The following ZNF578 variants were observed in gnomAD, a reference collection of about 807,000 sequenced individuals.
ZNF578 encodes zinc finger protein 578.
ZNF578 carries 8 observed loss-of-function variants against 8.3 expected under a neutral mutation model. That is an observed-to-expected ratio of 0.96 (90% confidence interval 0.56 to 1.74). The LOEUF is 1.74. Among genes scored for constraint, ZNF578 ranks in the 40% most tolerant of loss-of-function variants. The probability of loss-of-function intolerance (pLI) is 0.00; values close to 1 mark genes in which losing one functional copy is unlikely to be tolerated. For synonymous variants in ZNF578, 206 were observed against 232.2 expected (o/e 0.89, Z 1.03); for missense variants, 726 against 707.5 (o/e 1.03, Z -0.30).
At chr19:52,467,093 C>G (rs2059277624) in intron 2 of ZNF578, among the ~76,000 whole-genome samples, 1 of 152,046 alleles carries the variant, frequency 6.6e-6, no homozygotes, top group African/African-American at 2.4e-5. Flanking sequence ...TCACTGCAAC[C>G]TCTGCCTCCT....
At chr19:52,507,834 G>A (rs963670240) in intron 5 of ZNF578, among the ~76,000 whole-genome samples, 3 of 151,476 alleles carry the variant, frequency 2.0e-5, no homozygotes, top group African/African-American at 7.3e-5. Flanking sequence ...CAAATCACAT[G>A]AGGTCGGGAG....
At chr19:52,494,212 C>T (rs937129842) in intron 3 of ZNF578, among the ~76,000 whole-genome samples, 17 of 151,930 alleles carry the variant, frequency 1.1e-4, no homozygotes, top group Non-Finnish European at 1.6e-4. Flanking sequence ...AGTGGCTGGG[C>T]GCAGTGGCTC....
chr19:52,512,062 C>A lies in ZNF578; in HGVS notation c.1681C>A (p.His561Asn), dbSNP rs780538105. ...TTATCTGGCAAACCATACTAGAATTCATAGCGGAGAGAAACCTTACAAGTG... is the reference window on the plus strand; with the variant it reads ...TTATCTGGCAAACCATACTAGAATTAATAGCGGAGAGAAACCTTACAAGTG... ...HSYLANHTRI[H>N]SGEKPYKCNE... Residue 561 changes from histidine (H) to asparagine (N), a missense_variant, in exon 6 of 6, where the codon CAT becomes AAT. By Grantham distance (68) the His-to-Asn change is moderately conservative. Coordinates refer to ENST00000421239, the MANE Select transcript of ZNF578 (RefSeq NM_001099694.2). The A allele has an allele frequency of 1.2e-6, 2 of 1,613,780 alleles. No individual in the cohort carries two copies.
chr19:52,458,483 T>TATATATATATATATA (rs1555751157), intron 2 of ZNF578: 6 of 144,856 alleles, frequency 4.1e-5, no homozygotes, highest in African/African-American at 1.6e-4. Flanking sequence ...TATATATATA[T>TATATATATATATATA]TTTGAAAATC....
At chr19:52,499,227 T>C (rs2059398026) in intron 3 of ZNF578, among the ~76,000 whole-genome samples, 1 of 152,000 alleles carries the variant, frequency 6.6e-6, no homozygotes, top group South Asian at 2.1e-4. Flanking sequence ...TGTGTGACTT[T>C]TCTTCTGGGA....
chr19:52,464,701 T>C (rs1310306264), intron 2 of ZNF578, among the ~76,000 whole-genome samples: 1 of 152,176 alleles, frequency 6.6e-6, no homozygotes, highest in Non-Finnish European at 1.5e-5. Context: ...GATGTAACAA[T>C]CTGGAAATTG....
intron 3 of ZNF578, among the ~76,000 whole-genome samples, chr19:52,501,393 A>C (rs2059406726): frequency 6.6e-6 from 1 of 152,154 alleles, no homozygotes; most frequent in Non-Finnish European, 1.5e-5. Flanking sequence ...GATGGAACCC[A>C]CCCTCAGTAA....
intron 2 of ZNF578, among the ~76,000 whole-genome samples, chr19:52,465,271 C>T: frequency 6.6e-6 from 1 of 151,930 alleles, no homozygotes; most frequent in East Asian, 1.9e-4. Flanking sequence ...GAGTATCGGG[C>T]TCCCTCCCCC....
chr19:52,455,880 G>A (rs915922789), intron 1 of ZNF578: 1 of 152,170 alleles, frequency 6.6e-6, no homozygotes, highest in Non-Finnish European at 1.5e-5. Flanking sequence ...TTTGAGTTGA[G>A]GGAGAAAAAT....
intron 3 of ZNF578, among the ~76,000 whole-genome samples, chr19:52,494,635 A>G (rs930124179): frequency 1.2e-4 from 18 of 152,224 alleles, no homozygotes; most frequent in African/African-American, 3.1e-4. Flanking sequence ...GAGAATTTTA[A>G]AAGTCCTATC....
chr19:52,483,187 A>G (rs62108407), intron 2 of ZNF578, among the ~76,000 whole-genome samples: 93,027 of 151,902 alleles, frequency 0.61, 28,616 homozygotes, highest in Admixed American at 0.64. Flanking sequence ...AGGCTGATGC[A>G]GGCAAATCAC....
intron 2 of ZNF578, among the ~76,000 whole-genome samples, chr19:52,466,725 C>A (rs1480076867): frequency 6.6e-6 from 1 of 151,470 alleles, no homozygotes; most frequent in Non-Finnish European, 1.5e-5. Flanking sequence ...TACATGAGTG[C>A]ATGGATGAGC....
At position 52,510,626 on chromosome 19, in the gene ZNF578, C is replaced by T; in HGVS notation, c.245C>T (p.Thr82Ile). The change falls in exon 6 of 6, where the codon ACA becomes ATA. Residue 82 changes from threonine to isoleucine, a missense_variant. Coordinates refer to ENST00000421239, the MANE Select transcript of ZNF578 (RefSeq NM_001099694.2). ...GTCTTGTCAACAGGGCAAGGCAATA[C>T]AGAAGTGATCCACACAGGGATGTTG... ...KEVLSTGQGN[T>I]EVIHTGMLQR... 1 of 1,594,136 alleles carries T rather than the reference C, an allele frequency of 6.3e-7. No homozygotes were observed. The highest frequency in any genetic ancestry group is 8.5e-7 in the Non-Finnish European group (1 of 1,171,002).
Position 52,513,496 on chromosome 19 carries a change from C to G in ZNF578, c.*1342C>G, listed in dbSNP as rs2059458905. 6.6e-6 allele frequency among the ~76,000 whole-genome samples: 1 copy of G among 151,558 alleles called. No homozygotes were observed. Among genetic ancestry groups the G allele is most frequent in the South Asian group, 2.1e-4 (1 of 4,816 alleles). The stretch of plus-strand genomic sequence containing the variant: ...CGGTAATCCCAGCACTTTGGGAGGC[C>G]AAGGCAGGCAGATAACAAAGTCAGG... On this transcript the variant is annotated 3_prime_UTR_variant, in exon 6 of 6. Coordinates refer to ENST00000421239, the MANE Select transcript of ZNF578 (RefSeq NM_001099694.2).
At chr19:52,501,704 G>A in intron 3 of ZNF578, 123 bp from the exon 4 acceptor site, 1 of 920,610 alleles carries the variant, frequency 1.1e-6, no homozygotes, top group South Asian at 1.7e-5. Flanking sequence ...CATGATCTCT[G>A]GTGCAGTGGG....
chr19:52,491,857 C>T (rs1472337002), intron 3 of ZNF578, among the ~76,000 whole-genome samples: 2 of 151,816 alleles, frequency 1.3e-5, no homozygotes, highest in African/African-American at 2.4e-5. Flanking sequence ...TATTTAAAAA[C>T]GGTAAAACAA....
intron 2 of ZNF578, among the ~76,000 whole-genome samples, chr19:52,477,402 C>T (rs772662359): frequency 2.6e-5 from 4 of 152,076 alleles, no homozygotes; most frequent in South Asian, 2.1e-4. Flanking sequence ...GATGGGGGTA[C>T]GATTCTGATG....
intron 2 of ZNF578, among the ~76,000 whole-genome samples, chr19:52,481,455 G>T (rs2608528): frequency 0.24 from 36,356 of 152,164 alleles, 4,412 homozygotes; most frequent in East Asian, 0.32. Context: ...GATAAGATTA[G>T]TTGTGACATG....
At chr19:52,459,747 G>GTATA (rs1568454133) in intron 2 of ZNF578, among the ~76,000 whole-genome samples, 1 of 16,718 alleles carries the variant, frequency 6.0e-5, no homozygotes, top group African/African-American at 1.4e-4. Context: ...GTGTGTGTGT[G>GTATA]TGTGTATATA....
Sources: gnomAD v4.1 joint callset for allele counts (sites outside exome capture counted in the v4.1 genomes callset) on GRCh38, gnomAD v4.1.1 for gene constraint, MANE v1.5 for transcripts, NCBI Gene and HGNC (gene_info 2026-07-23, HGNC 2026-07-21) for gene names.